HIVEP3: variants seen among roughly 807,000 people sequenced by gnomAD.
HIVEP3 encodes the protein transcription factor HIVEP3.
Under a neutral mutation model 152.8 loss-of-function variants are expected in HIVEP3, and 49 were observed. The ratio of observed to expected loss-of-function variants is 0.32; its 90% CI spans 0.26 to 0.41. The LOEUF (loss-of-function observed/expected upper bound fraction) is 0.41, where lower values mean the gene tolerates loss of function less well. HIVEP3 is among the 10% of genes least tolerant of loss of function. The pLI is 1.00. For synonymous variants in HIVEP3, 1,269 were observed against 1,289.0 expected (o/e 0.98, Z 0.33); for missense variants, 2,790 against 3,103.3 (o/e 0.90, Z 2.40).
Position 41,583,301 on chromosome 1 carries a change from G to C in HIVEP3, c.1497C>G (p.Ser499=). The change falls in exon 4 of 9, where the codon TCC becomes TCG. Residue 499 remains serine, a synonymous_variant. Transcript: ENST00000372583. The surrounding 1 kb of genome is among the most constrained non-coding windows in gnomAD (Gnocchi z 6.9). ...GCTCCCGGTAGAGGCTGGATTTTGG[G>C]GACTCCATGCTGCTGCGCCTGGACA... The part of the protein sequence containing the change: ...SSLSRRSSME[S]PKSSLYREPL... 3 of 1,612,320 alleles carry C rather than the reference G, an allele frequency of 1.9e-6. No homozygotes were observed. Among genetic ancestry groups the C allele is most frequent in the Non-Finnish European group, 2.5e-6 (3 of 1,179,290 alleles).
At chr1:41,957,997 T>A (rs1448366541) in intron 1 of HIVEP3, among the ~76,000 whole-genome samples, 3 of 152,168 alleles carry the variant, frequency 2.0e-5, no homozygotes, top group African/African-American at 7.2e-5. Flanking sequence ...AGAGGCAATG[T>A]GGAGAAGCAG....
intron 2 of HIVEP3, among the ~76,000 whole-genome samples, chr1:41,661,053 C>T (rs1269557525): frequency 6.6e-6 from 1 of 152,192 alleles, no homozygotes; most frequent in Non-Finnish European, 1.5e-5. Flanking sequence ...GTTACTGGCA[C>T]GTGCACAAGG....
intron 1 of HIVEP3, chr1:41,865,697 G>T (rs1363251314): frequency 6.6e-6 from 1 of 152,148 alleles, no homozygotes; most frequent in Non-Finnish European, 1.5e-5. Context: ...TGAATTCCTA[G>T]GTAGGTGTAG....
intron 1 of HIVEP3, among the ~76,000 whole-genome samples, chr1:41,915,810 G>A (rs1007710131): frequency 6.6e-6 from 1 of 152,188 alleles, no homozygotes; most frequent in Non-Finnish European, 1.5e-5. Flanking sequence ...ATTGGTCACG[G>A]GCTTTGGCCA....
chr1:41,572,247 G>A (rs1322574309), intron 5 of HIVEP3, among the ~76,000 whole-genome samples: 1 of 152,216 alleles, frequency 6.6e-6, no homozygotes, highest in African/African-American at 2.4e-5. Context: ...CCCAGATGTA[G>A]CAATGTCGGC....
intron 1 of HIVEP3, among the ~76,000 whole-genome samples, chr1:41,985,288 G>A (rs1645315740): frequency 6.6e-6 from 1 of 152,202 alleles, no homozygotes; most frequent in Admixed American, 6.5e-5. Flanking sequence ...CCAGGCCATA[G>A]TACAGAACAT....
intron 1 of HIVEP3, among the ~76,000 whole-genome samples, chr1:41,905,450 T>A (rs1644695146): frequency 6.6e-6 from 1 of 152,170 alleles, no homozygotes; most frequent in Admixed American, 6.5e-5. Context: ...GGATCTGACG[T>A]GTGCATTCCA....
chr1:41,657,865 A>G (rs1366041705), intron 2 of HIVEP3, among the ~76,000 whole-genome samples: 2 of 152,234 alleles, frequency 1.3e-5, no homozygotes, highest in African/African-American at 2.4e-5. Flanking sequence ...AGCCAAGGAC[A>G]GATGGAAATG....
chr1:41,586,450 T>C (rs531648746), intron 3 of HIVEP3, among the ~76,000 whole-genome samples: 1 of 152,254 alleles, frequency 6.6e-6, no homozygotes, highest in African/African-American at 2.4e-5. Flanking sequence ...CCAGAGTTTG[T>C]TCCCCAGCCC....
At chr1:41,623,461 T>G (rs1016740951) in intron 3 of HIVEP3, among the ~76,000 whole-genome samples, 8 of 152,200 alleles carry the variant, frequency 5.3e-5, no homozygotes, top group Admixed American at 5.2e-4. Flanking sequence ...AATGAGGTCA[T>G]CCTTTTAAAA....
In HIVEP3 at chr1:41,581,335, C is replaced by T. The variant is rs771618186; in HGVS notation, c.3463G>A (p.Glu1155Lys). The T allele has an allele frequency of 5.2e-5, 84 of 1,613,536 alleles. 1 individual carries two copies. Among genetic ancestry groups the T allele is most frequent in the Admixed American group, 4.8e-4 (29 of 59,922 alleles). ...AAGAATTCTGGAGACTGTCCTGGCT[C>T]ATGCTGCACGAGATGCTGGAAGGAG... ...LFSFQHLVQH[E>K]PGQSPEFFST... is the part of the protein sequence containing the mutation. The change falls in exon 4 of 9, where the codon GAG (glutamate) becomes AAG (lysine). Residue 1155 changes from glutamate (E) to lysine (K), a missense_variant. Physicochemically the swap from Glu to Lys is moderately conservative, Grantham distance 56 (BLOSUM62 1). This residue lies in a region of HIVEP3 where 1,078 missense variants were observed against 1,165.3 expected (regional missense o/e 0.93). Transcript: ENST00000372583. This position sits in a 1 kb window ranked among gnomAD's most constrained non-coding sequence, Gnocchi z 4.5.
intron 1 of HIVEP3, among the ~76,000 whole-genome samples, chr1:41,786,879 G>A (rs753435102): frequency 6.6e-6 from 1 of 151,648 alleles, no homozygotes; most frequent in Non-Finnish European, 1.5e-5. Flanking sequence ...AGACTCCCCG[G>A]TAGCTAGGAT....
intron 1 of HIVEP3, among the ~76,000 whole-genome samples, chr1:41,810,442 A>G (rs1187630651): frequency 1.3e-5 from 2 of 152,372 alleles, no homozygotes; most frequent in African/African-American, 4.8e-5. Flanking sequence ...GAGAGAGGGC[A>G]GATAACAAAT....
chr1:41,915,829 C>G (rs1644862150), intron 1 of HIVEP3, among the ~76,000 whole-genome samples: 1 of 152,158 alleles, frequency 6.6e-6, no homozygotes, highest in African/African-American at 2.4e-5. Flanking sequence ...CAAGTCTGAC[C>G]CAGAATGCTA....
At position 42,007,693 on chromosome 1, in the gene HIVEP3, A is replaced by C. The variant is rs902878031; in HGVS notation, n.119+28114T>G. ...TGCAAGTGCACACTGTTCACCAGAA[A>C]TACATGGCACTTCCACTGGGGCTTC... On this transcript the variant is annotated intron_variant and non_coding_transcript_variant, in intron 1 of 3. Coordinates refer to the HIVEP3 transcript ENST00000489103. Among the ~76,000 whole-genome samples, 11 of 152,222 alleles carry C rather than the reference A, an allele frequency of 7.2e-5. No homozygotes were observed. The South Asian group carries it at 1.4e-3, about 20-fold the overall frequency.
At chr1:41,771,707 C>T (rs910327592) in intron 1 of HIVEP3, among the ~76,000 whole-genome samples, 1 of 152,026 alleles carries the variant, frequency 6.6e-6, no homozygotes, top group Admixed American at 6.6e-5. Flanking sequence ...CTCACTCTGT[C>T]GCCCAGGCTG....
At chr1:41,656,558 T>C (rs1645632228) in intron 2 of HIVEP3, among the ~76,000 whole-genome samples, 1 of 152,164 alleles carries the variant, frequency 6.6e-6, no homozygotes, top group Admixed American at 6.5e-5. Context: ...TGACCATTCC[T>C]GGGTATTTGA....
At chr1:41,982,924 A>G (rs1349685544) in intron 1 of HIVEP3, among the ~76,000 whole-genome samples, 1 of 152,208 alleles carries the variant, frequency 6.6e-6, no homozygotes, top group Non-Finnish European at 1.5e-5. Context: ...AGCGGTCCCC[A>G]ATCTTTTTGG....
At chr1:41,698,061 G>A (rs1646304200) in intron 2 of HIVEP3, among the ~76,000 whole-genome samples, 1 of 152,198 alleles carries the variant, frequency 6.6e-6, no homozygotes, top group Admixed American at 6.5e-5. Context: ...GACTAGTGCA[G>A]GTGGAGTGTA....
Sources: allele counts gnomAD v4.1 joint callset (sites outside exome capture counted in the v4.1 genomes callset), GRCh38; gene constraint gnomAD v4.1.1; regional missense constraint gnomAD v4.1.1; non-coding constraint Gnocchi (gnomAD v3.1); transcripts MANE v1.5; gene names NCBI Gene and HGNC (gene_info 2026-07-23, HGNC 2026-07-21).